Variants in HEMK2 observed in about 807,000 individuals in gnomAD.
The protein encoded by HEMK2 is HemK methyltransferase 2, ETF1 glutamine and histone H4 lysine.
chr21:28,844,111 G>A, the HEMK2 span, among the ~76,000 whole-genome samples: 2 of 151,962 alleles, frequency 1.3e-5, no homozygotes, highest in African/African-American at 2.4e-5. Flanking sequence ...ACATTTAAAC[G>A]TAATACATAT....
the HEMK2 span, among the ~76,000 whole-genome samples, chr21:28,643,450 G>A: frequency 2.1e-5 from 3 of 143,642 alleles, no homozygotes; most frequent in Non-Finnish European, 3.0e-5. Context: ...GACTGAGGGG[G>A]GAGGATTGTT....
At chr21:28,855,115 G>A in the HEMK2 span, among the ~76,000 whole-genome samples, 1 of 152,112 alleles carries the variant, frequency 6.6e-6, no homozygotes, top group South Asian at 2.1e-4. Flanking sequence ...GTCTTCCAGA[G>A]ACTATTTCTT....
At chr21:28,822,582 T>TAC in the HEMK2 span, among the ~76,000 whole-genome samples, 1 of 151,934 alleles carries the variant, frequency 6.6e-6, no homozygotes, top group Non-Finnish European at 1.5e-5. Context: ...CATATATATA[T>TAC]ATATATATAC....
the HEMK2 span, among the ~76,000 whole-genome samples, chr21:28,620,166 T>C: frequency 6.6e-6 from 1 of 152,182 alleles, no homozygotes; most frequent in Non-Finnish European, 1.5e-5. Flanking sequence ...TGGATTCGGT[T>C]TGCCAGTATT....
chr21:28,607,191 G>T, the HEMK2 span, among the ~76,000 whole-genome samples: 1 of 152,132 alleles, frequency 6.6e-6, no homozygotes, highest in Non-Finnish European at 1.5e-5. Flanking sequence ...CGGGTGGATT[G>T]CCTCAGCTCA....
chr21:28,866,175 A>AAAAACAAAAAAC, the HEMK2 span, among the ~76,000 whole-genome samples: 1 of 76,234 alleles, frequency 1.3e-5, no homozygotes, highest in Non-Finnish European at 2.5e-5. Flanking sequence ...CAAAAAAAAA[A>AAAAACAAAAAAC]ACACACACAC....
chr21:28,866,367 T>C, the HEMK2 span, among the ~76,000 whole-genome samples: 6 of 150,884 alleles, frequency 4.0e-5, no homozygotes, highest in African/African-American at 1.5e-4. Flanking sequence ...GAGAATTGCT[T>C]AAACCCAGGA....
chr21:28,715,472 C>T, the HEMK2 span, among the ~76,000 whole-genome samples: 49 of 152,194 alleles, frequency 3.2e-4, 1 homozygote, highest in African/African-American at 1.1e-3. Context: ...ATGTCCTTTG[C>T]CCACTTTTTA....
the HEMK2 span, among the ~76,000 whole-genome samples, chr21:28,662,864 G>A: frequency 2.6e-5 from 4 of 151,980 alleles, no homozygotes; most frequent in Non-Finnish European, 4.4e-5. Context: ...GTCTTTATTA[G>A]CAACATGAGA....
chr21:28,870,566 A>C, the HEMK2 span, among the ~76,000 whole-genome samples: 2 of 151,832 alleles, frequency 1.3e-5, no homozygotes, highest in Non-Finnish European at 2.9e-5. Flanking sequence ...CACACTCGCT[A>C]ATTTTTTTAT....
the HEMK2 span, among the ~76,000 whole-genome samples, chr21:28,827,321 T>A: frequency 6.6e-6 from 1 of 152,342 alleles, no homozygotes; most frequent in Admixed American, 6.5e-5. Context: ...TGCAACTAAC[T>A]GTCTTTGATA....
the HEMK2 span, among the ~76,000 whole-genome samples, chr21:28,647,346 A>AAAAAAAAAAAAT: frequency 1.0e-5 from 1 of 98,526 alleles, no homozygotes; most frequent in Non-Finnish European, 1.8e-5. Context: ...AAAAAAAAAA[A>AAAAAAAAAAAAT]CATACAAAAA....
At chr21:28,842,455 T>A in the HEMK2 span, among the ~76,000 whole-genome samples, 2 of 152,258 alleles carry the variant, frequency 1.3e-5, no homozygotes, top group East Asian at 1.9e-4. Flanking sequence ...ACAGATGCCA[T>A]GAAATAATTG....
the HEMK2 span, among the ~76,000 whole-genome samples, chr21:28,694,299 G>T: frequency 6.6e-6 from 1 of 152,150 alleles, no homozygotes; most frequent in Non-Finnish European, 1.5e-5. Flanking sequence ...TAATTTGCAG[G>T]AATGTCTTAT....
At chr21:28,710,276 A>C in the HEMK2 span, among the ~76,000 whole-genome samples, 1 of 152,204 alleles carries the variant, frequency 6.6e-6, no homozygotes, top group Non-Finnish European at 1.5e-5. Context: ...TTTGTATAAT[A>C]ATGAATTAAA....
chr21:28,761,893 G>A, the HEMK2 span, among the ~76,000 whole-genome samples: 11 of 152,056 alleles, frequency 7.2e-5, no homozygotes, highest in Middle Eastern at 3.2e-3. Flanking sequence ...GGAATGAAAA[G>A]AGTTTGAAGC....
chr21:28,597,988 A>G, the HEMK2 span, among the ~76,000 whole-genome samples: 1 of 152,214 alleles, frequency 6.6e-6, no homozygotes, highest in East Asian at 1.9e-4. Flanking sequence ...TAAACAGAGA[A>G]GTGAAAGCTG....
chr21:28,821,436 A>G, the HEMK2 span, among the ~76,000 whole-genome samples: 1 of 152,220 alleles, frequency 6.6e-6, no homozygotes, highest in African/African-American at 2.4e-5. Flanking sequence ...GACCTATGTG[A>G]AAGAAACTGA....
At chr21:28,717,000 T>C in the HEMK2 span, among the ~76,000 whole-genome samples, 1 of 152,234 alleles carries the variant, frequency 6.6e-6, no homozygotes, top group East Asian at 1.9e-4. Flanking sequence ...CTTTTGGATA[T>C]GCTTTGGGAT....
Sources: gnomAD v4.1 joint callset for allele counts (sites outside exome capture counted in the v4.1 genomes callset) on GRCh38, gnomAD v4.1.1 for gene constraint, MANE v1.5 for transcripts, NCBI Gene and HGNC (gene_info 2026-07-23, HGNC 2026-07-21) for gene names.